The following TCF7L1 variants were observed in gnomAD, a reference collection of about 807,000 sequenced individuals.
The protein encoded by TCF7L1 is transcription factor 7 like 1, also known as transcription factor 7-like 1.
Under a neutral mutation model 63.7 loss-of-function variants are expected in TCF7L1, and 18 were observed. The observed-to-expected ratio is 0.28, with a 90% CI of 0.20 to 0.42. The LOEUF is 0.42. Among genes scored for constraint, TCF7L1 ranks in the 10% least tolerant of loss-of-function variants. The pLI, the probability that TCF7L1 is intolerant of heterozygous loss-of-function variation, is 1.00. For synonymous variants in TCF7L1, 355 were observed against 340.9 expected (o/e 1.04, Z -0.46); for missense variants, 654 against 779.3 (o/e 0.84, Z 1.91).
chr2:85,219,670 AG>A (rs983645378), intron 3 of TCF7L1, among the ~76,000 whole-genome samples: 1 of 152,174 alleles, frequency 6.6e-6, no homozygotes, highest in African/African-American at 2.4e-5. Context: ...ACTTGAACCC[AG>A]GAGTTTAAGA....
chr2:85,305,227 C>T lies in TCF7L1; in HGVS notation c.846-33C>T, dbSNP rs201896544. 318 of 1,614,122 alleles carry T rather than the reference C, an allele frequency of 2.0e-4. 1 individual carries two copies. Among genetic ancestry groups the T allele is most frequent in the Admixed American group, 4.2e-4 (25 of 60,024 alleles). On this transcript the variant is annotated intron_variant, in intron 7 of 11. Coordinates refer to ENST00000282111, the MANE Select transcript of TCF7L1 (RefSeq NM_031283.3). ...GGTGGCAGGTATCCAGCCTGAACCC[C>T]TCTGTTGCCATTTGTTTCTATCCGG... is the stretch of plus-strand genomic sequence containing the variant.
intron 3 of TCF7L1, among the ~76,000 whole-genome samples, chr2:85,185,706 G>A (rs1020356194): frequency 6.6e-6 from 1 of 152,128 alleles, no homozygotes; most frequent in African/African-American, 2.4e-5. Flanking sequence ...CTGAGGTTGT[G>A]GCAGTCCCTG....
Position 85,302,914 on chromosome 2 carries a change from G to A in TCF7L1, c.658+298G>A, listed in dbSNP as rs114754032. ...GGCTCTGCCCAAGTCTAGCCCAGCT[G>A]TGGGCCGTGCTTCCCTACACCAAGA... is the stretch of plus-strand genomic sequence containing the variant. On this transcript the variant is annotated intron_variant, in intron 5 of 11. Coordinates refer to ENST00000282111, the MANE Select transcript of TCF7L1 (RefSeq NM_031283.3). Among the ~76,000 whole-genome samples, 301 of 152,168 alleles carry A rather than the reference G, an allele frequency of 2.0e-3. 2 individuals are homozygous for A. The highest frequency in any genetic ancestry group is 6.9e-3 in the African/African-American group (288 of 41,512).
At chr2:85,202,882 G>A (rs1679306203) in intron 3 of TCF7L1, among the ~76,000 whole-genome samples, 2 of 152,108 alleles carry the variant, frequency 1.3e-5, no homozygotes. Flanking sequence ...CGCCCAGGCT[G>A]GAGTGCAGTG....
At chr2:85,178,571 T>C (rs1678730329) in intron 3 of TCF7L1, among the ~76,000 whole-genome samples, 1 of 152,168 alleles carries the variant, frequency 6.6e-6, no homozygotes, top group Non-Finnish European at 1.5e-5. Flanking sequence ...CCTTTCACGC[T>C]CCCACTCAGA....
At chr2:85,239,962 C>CA (rs766685870) in intron 3 of TCF7L1, among the ~76,000 whole-genome samples, 25 of 110,290 alleles carry the variant, frequency 2.3e-4, no homozygotes, top group Non-Finnish European at 3.0e-4. Flanking sequence ...AAAAAAAAAA[C>CA]AAAAAAAAAA....
intron 3 of TCF7L1, among the ~76,000 whole-genome samples, chr2:85,146,373 C>T (rs62162833): frequency 9.9e-4 from 151 of 151,998 alleles, no homozygotes; most frequent in African/African-American, 3.1e-3. Context: ...GCCAAATTGA[C>T]GTGACAATGC....
chr2:85,227,992 CAAAAAAAAAAAAA>C (rs34769307), intron 3 of TCF7L1, among the ~76,000 whole-genome samples: 2 of 79,556 alleles, frequency 2.5e-5, no homozygotes, highest in Non-Finnish European at 4.9e-5. Flanking sequence ...ACCCTGTCTC[CAAAAAAAAAAAAA>C]AAAAAAAAAA....
chr2:85,204,931 C>T (rs143431590), intron 3 of TCF7L1: 1 of 148,476 alleles, frequency 6.7e-6, no homozygotes, highest in East Asian at 2.0e-4. Flanking sequence ...ACCTGGGGCT[C>T]TCTTTGACAG....
At chr2:85,202,075 G>A (rs11126983) in intron 3 of TCF7L1, among the ~76,000 whole-genome samples, 32,544 of 151,990 alleles carry the variant, frequency 0.21, 4,158 homozygotes, top group Non-Finnish European at 0.29. Flanking sequence ...TGATTCTCCT[G>A]CCTTAGCCTT....
chr2:85,226,856 C>T lies in TCF7L1; in HGVS notation c.442-56639C>T, dbSNP rs139355571. ...TTTTAACCTCCCAGTGCACCACTTT[C>T]TCCATGTCATTCTCGTGCTTGCAAA... On this transcript the variant is annotated intron_variant, in intron 3 of 11. Transcript: ENST00000282111. 1.8e-3 allele frequency among the ~76,000 whole-genome samples: 254 copies of T among 144,298 alleles called. 3 individuals are homozygous for T. The highest frequency in any genetic ancestry group is 5.8e-3 in the African/African-American group (227 of 39,206). 94.7% of individuals were successfully genotyped at this position (144,298 alleles called of 152,430 possible).
intron 3 of TCF7L1, chr2:85,186,448 C>T (rs1446600026): frequency 1.3e-5 from 2 of 152,106 alleles, no homozygotes; most frequent in African/African-American, 4.8e-5. Flanking sequence ...GCCCACACTG[C>T]TTGCATTTAA....
At chr2:85,224,643 C>G (rs2104304865) in intron 3 of TCF7L1, among the ~76,000 whole-genome samples, 1 of 152,130 alleles carries the variant, frequency 6.6e-6, no homozygotes, top group South Asian at 2.1e-4. Context: ...TTGTTTTTTT[C>G]TTGTAAATTT....
rs1317465160 is a variant in TCF7L1, at chr2:85,310,052, G to A, written c.*590G>A. ...CTTTCAGTGGAGAAAGCGGTCCTCTGAAATGGTTTCCTCCCAACCCCCGCA... is the reference window on the plus strand; with the variant it reads ...CTTTCAGTGGAGAAAGCGGTCCTCTAAAATGGTTTCCTCCCAACCCCCGCA... On this transcript the variant is annotated 3_prime_UTR_variant, in exon 12 of 12. Transcript: ENST00000282111. The A allele has an allele frequency of 6.5e-6, 1 of 152,722 alleles. No individual in the cohort carries two copies. Among genetic ancestry groups the A allele is most frequent in the Non-Finnish European group, 1.5e-5 (1 of 68,142 alleles). 9.5% of individuals were successfully genotyped at this position (152,722 alleles called of 1,614,324 possible).
At chr2:85,172,488 G>A (rs1372299398) in intron 3 of TCF7L1, among the ~76,000 whole-genome samples, 8 of 152,152 alleles carry the variant, frequency 5.3e-5, no homozygotes, top group Admixed American at 1.3e-4. Context: ...GTGCAGTGGC[G>A]CGATCTCGGC....
Position 85,309,052 on chromosome 2 carries a change from A to T in TCF7L1, c.1357A>T (p.Lys453Ter). 6.3e-7 allele frequency: 1 copy of T among 1,597,578 alleles called. No individual in the cohort carries two copies. Among genetic ancestry groups the T allele is most frequent in the East Asian group, 2.2e-5 (1 of 44,512 alleles). The change falls in exon 12 of 12, where the codon AAG becomes TAG. Residue 453 changes from lysine (K) to a stop codon, truncating the protein, a stop_gained. Transcript: ENST00000282111. LOFTEE classifies it high-confidence loss of function. ...AGGTGCCCTGGCCTCCAAGAGCAAG[A>T]AGCCATGTGTTCAGTACCTGCCCCC... ...AEGALASKSK[K>*]PCVQYLPPEK...
intron 3 of TCF7L1, among the ~76,000 whole-genome samples, chr2:85,210,271 T>G (rs1274184553): frequency 1.3e-5 from 2 of 152,200 alleles, no homozygotes; most frequent in East Asian, 3.9e-4. Context: ...CATCCCCATC[T>G]TCATTCTACC....
At chr2:85,219,555 A>G (rs1679797389) in intron 3 of TCF7L1, among the ~76,000 whole-genome samples, 1 of 152,198 alleles carries the variant, frequency 6.6e-6, no homozygotes, top group African/African-American at 2.4e-5. Context: ...TAACATGAAT[A>G]AATTCTAAAA....
intron 3 of TCF7L1, among the ~76,000 whole-genome samples, chr2:85,278,966 A>G (rs1459288145): frequency 6.6e-6 from 1 of 152,218 alleles, no homozygotes; most frequent in East Asian, 1.9e-4. Flanking sequence ...TCACCATTTC[A>G]ATGTGTTACA....
Sources: gnomAD v4.1 joint callset for allele counts (sites outside exome capture counted in the v4.1 genomes callset) on GRCh38, gnomAD v4.1.1 for gene constraint, MANE v1.5 for transcripts, NCBI Gene and HGNC (gene_info 2026-07-23, HGNC 2026-07-21) for gene names.